Variants in CEP170 observed in about 807,000 individuals in gnomAD.
CEP170 encodes centrosomal protein of 170 kDa.
A neutral mutation model predicts 151.9 loss-of-function variants in CEP170; 21 were observed. That is an observed-to-expected ratio of 0.14 (90% CI 0.10 to 0.20). The LOEUF is 0.20. Ranked by LOEUF, CEP170 falls within the 10% of genes least tolerant of loss-of-function variation. CEP170 has a pLI of 1.00. For missense variants in CEP170, 964 were observed against 1,892.9 expected (o/e 0.51, Z 9.11); for synonymous variants, 356 against 648.8 (o/e 0.55, Z 6.86).
intron 12 of CEP170, among the ~76,000 whole-genome samples, chr1:243,168,101 T>C (rs1479016371): frequency 1.3e-5 from 2 of 152,026 alleles, no homozygotes; most frequent in Non-Finnish European, 2.9e-5. Flanking sequence ...TCTAGCCTTC[T>C]GTCTGGTTTC....
At chr1:243,169,805 G>A in intron 11 of CEP170, 51 bp from the exon 12 acceptor site, 1 of 1,570,262 alleles carries the variant, frequency 6.4e-7, no homozygotes. Flanking sequence ...TCATATCTGA[G>A]TCTCATGAAA....
intron 1 of CEP170, among the ~76,000 whole-genome samples, chr1:243,235,294 C>G (rs1053830201): frequency 6.6e-6 from 1 of 152,174 alleles, no homozygotes; most frequent in Non-Finnish European, 1.5e-5. Context: ...CTTTGAGAAA[C>G]TGACATATGC....
chr1:243,241,163 T>C (rs994157437), intron 1 of CEP170, among the ~76,000 whole-genome samples: 13 of 152,246 alleles, frequency 8.5e-5, no homozygotes, highest in Non-Finnish European at 1.6e-4. Flanking sequence ...GAAACACAAC[T>C]TTTTGCAAGA....
At position 243,200,808 on chromosome 1, in the gene CEP170, C is replaced by T; in HGVS notation, c.302G>A (p.Gly101Glu). ...YDTNLFTVVQ[G>E]EMRVPEEALK... Reference sequence around the variant, plus strand: ...AGCTTCTTCAGGGACCCTCATTTCTCCTTGTACTACAGTGAAAAGATTTGT... The same window carrying T: ...AGCTTCTTCAGGGACCCTCATTTCTTCTTGTACTACAGTGAAAAGATTTGT... The change falls in exon 5 of 20, where the codon GGA (glycine) becomes GAA (glutamate). Residue 101 changes from glycine (G) to glutamate (E), a missense_variant. Physicochemically the swap from Gly to Glu is moderately conservative, Grantham distance 98 (BLOSUM62 -2). Transcript: ENST00000366542. 3 of 1,611,002 alleles carry T rather than the reference C, an allele frequency of 1.9e-6. No individual in the cohort carries two copies. Among genetic ancestry groups the T allele is most frequent in the Non-Finnish European group, 2.5e-6 (3 of 1,178,892 alleles).
chr1:243,199,077 T>C lies in CEP170; in HGVS notation c.614A>G (p.His205Arg). Residue 205 changes from histidine (H) to arginine (R), a missense_variant, in exon 7 of 20, where the codon CAT becomes CGT. Transcript: ENST00000366542. ...TTTTTTACCTGATGTTCCAGCTTCA[T>C]GGTTTTTTTCTTCAGGTTTGCCATT... is the stretch of plus-strand genomic sequence containing the variant. Reference protein sequence around the residue: ...KTNGKPEEKNHEAGTSGCGID... With the variant: ...KTNGKPEEKNREAGTSGCGID... 6.2e-7 allele frequency: 1 copy of C among 1,611,584 alleles called. No individual in the cohort carries two copies.
At position 243,126,367 on chromosome 1, in the gene CEP170, G is replaced by A; in HGVS notation, c.*82C>T. The A allele has an allele frequency of 7.1e-7, 1 of 1,405,054 alleles. No homozygotes were observed. Among genetic ancestry groups the A allele is most frequent in the Non-Finnish European group, 9.7e-7 (1 of 1,027,316 alleles). The allele number at this position is 1,405,054 out of a possible 1,614,324, so 87.0% of individuals were successfully genotyped here. The stretch of plus-strand genomic sequence containing the variant: ...AGATTGTAGCTGACCAAGCTGTCTT[G>A]TTTTGCGTACATCAACACTATGCTG... On this transcript the variant is annotated 3_prime_UTR_variant, in exon 20 of 20. Transcript: ENST00000366542.
chr1:243,194,792 ATAGAG>A (rs1558555540), intron 7 of CEP170, among the ~76,000 whole-genome samples: 4 of 152,030 alleles, frequency 2.6e-5, no homozygotes, highest in Admixed American at 6.6e-5. Flanking sequence ...AAACTAAATA[ATAGAG>A]TAAATACTTG....
At chr1:243,140,432 C>A (rs2055701319) in intron 15 of CEP170, 1 of 190,068 alleles carries the variant, frequency 5.3e-6, no homozygotes. Flanking sequence ...TGTAGATGGA[C>A]AATGAGTTCA....
intron 13 of CEP170, among the ~76,000 whole-genome samples, chr1:243,158,228 A>G (rs115566531): frequency 0.018 from 2,762 of 152,306 alleles, 87 homozygotes; most frequent in African/African-American, 0.064. Context: ...ACAAATTTGT[A>G]CGTTTCAAAA....
intron 16 of CEP170, among the ~76,000 whole-genome samples, chr1:243,137,617 A>C (rs1244824367): frequency 6.6e-6 from 1 of 152,084 alleles, no homozygotes; most frequent in Non-Finnish European, 1.5e-5. Flanking sequence ...TCTACTAAAA[A>C]TACAAAAATT....
intron 13 of CEP170, among the ~76,000 whole-genome samples, chr1:243,162,842 A>G (rs2058169579): frequency 6.6e-6 from 1 of 152,270 alleles, no homozygotes; most frequent in Non-Finnish European, 1.5e-5. Flanking sequence ...ATTGAAGTAG[A>G]GCCATAACCA....
chr1:243,210,096 G>A (rs1283681330), intron 4 of CEP170, among the ~76,000 whole-genome samples: 2 of 152,214 alleles, frequency 1.3e-5, no homozygotes, highest in African/African-American at 4.8e-5. Flanking sequence ...AAAGTCTTTG[G>A]GACAAAACAT....
At chr1:243,215,061 C>T (rs1475894930) in intron 3 of CEP170, among the ~76,000 whole-genome samples, 1 of 152,108 alleles carries the variant, frequency 6.6e-6, no homozygotes, top group Non-Finnish European at 1.5e-5. Context: ...TTTCTTATGC[C>T]TGTCTTTACT....
At chr1:243,222,119 T>A (rs956745415) in intron 2 of CEP170, among the ~76,000 whole-genome samples, 1 of 152,342 alleles carries the variant, frequency 6.6e-6, no homozygotes, top group East Asian at 1.9e-4. Context: ...AAAACTGTTA[T>A]AGAGAAATCA....
chr1:243,131,958 AC>A (rs1391907589), intron 17 of CEP170, among the ~76,000 whole-genome samples: 1 of 152,250 alleles, frequency 6.6e-6, no homozygotes, highest in African/African-American at 2.4e-5. Context: ...AAACATGCGA[AC>A]GCGGAGTTGC....
chr1:243,166,119 A>G lies in CEP170; in HGVS notation c.1844-3T>C. 6.2e-7 allele frequency: 1 copy of G among 1,612,634 alleles called. No individual in the cohort carries two copies. Among genetic ancestry groups the G allele is most frequent in the Non-Finnish European group, 8.5e-7 (1 of 1,179,270 alleles). On this transcript the variant is annotated splice_polypyrimidine_tract_variant and splice_region_variant and intron_variant, in intron 12 of 19. Transcript: ENST00000366542. ...GCCAGACTCACTGATCTCTGTCTCT[A>G]TGAAATAAAAACCACAAAGAAGGAA...
intron 17 of CEP170, among the ~76,000 whole-genome samples, chr1:243,131,241 T>C (rs1461074788): frequency 6.6e-6 from 1 of 152,106 alleles, no homozygotes; most frequent in Non-Finnish European, 1.5e-5. Flanking sequence ...CCTGTAATCC[T>C]AGCACTTTAG....
chr1:243,187,183 A>G (rs756722789), intron 8 of CEP170, among the ~76,000 whole-genome samples: 5 of 152,162 alleles, frequency 3.3e-5, no homozygotes, highest in Non-Finnish European at 7.4e-5. Context: ...ATAACCAGCT[A>G]TTTTCCCCAG....
chr1:243,226,024 CG>C (rs2063207435), intron 1 of CEP170, among the ~76,000 whole-genome samples: 1 of 124,352 alleles, frequency 8.0e-6, no homozygotes, highest in African/African-American at 3.8e-5. Flanking sequence ...TATATACACA[CG>C]TATATATATC....
Sources: allele counts gnomAD v4.1 joint callset (sites outside exome capture counted in the v4.1 genomes callset), GRCh38; gene constraint gnomAD v4.1.1; transcripts MANE v1.5; gene names NCBI Gene and HGNC (gene_info 2026-07-23, HGNC 2026-07-21).